The following SLC67A2 variants were observed in gnomAD, a reference collection of about 807,000 sequenced individuals.
SLC67A2 encodes solute carrier family 67 member 2.
chr2:102,735,404 T>G, the SLC67A2 span, among the ~76,000 whole-genome samples: 5 of 152,304 alleles, frequency 3.3e-5, no homozygotes, highest in East Asian at 9.7e-4. Flanking sequence ...GGTGGTGGCA[T>G]GGAGAGTGCA....
At chr2:102,730,579 G>A in the SLC67A2 span, among the ~76,000 whole-genome samples, 50 of 147,374 alleles carry the variant, frequency 3.4e-4, 1 homozygote, top group African/African-American at 1.3e-3. Context: ...GTCTCGCTCT[G>A]TCGTCCAGGC....
the SLC67A2 span, among the ~76,000 whole-genome samples, chr2:102,729,067 A>G: frequency 4.6e-5 from 7 of 152,228 alleles, no homozygotes; most frequent in African/African-American, 1.4e-4. Flanking sequence ...CTCAAAATTA[A>G]AAGTTTTTTG....
the SLC67A2 span, among the ~76,000 whole-genome samples, chr2:102,733,641 A>C: frequency 2.0e-5 from 3 of 152,148 alleles, no homozygotes; most frequent in African/African-American, 7.2e-5. Context: ...GTTGCATCTC[A>C]TCAGCCCACT....
the SLC67A2 span, chr2:102,736,868 A>C: frequency 1.1e-5 from 16 of 1,506,262 alleles, no homozygotes; most frequent in South Asian, 5.3e-5. Context: ...CCGGGAGCCC[A>C]GCCCCGCCCC....
chr2:102,728,215 G>A, the SLC67A2 span, among the ~76,000 whole-genome samples: 2 of 152,136 alleles, frequency 1.3e-5, no homozygotes, highest in Non-Finnish European at 2.9e-5. Context: ...TTAAGAAACA[G>A]GGTCCCCCAT....
At chr2:102,718,936 G>A in the SLC67A2 span, 1 of 1,614,270 alleles carries the variant, frequency 6.2e-7, no homozygotes, top group Non-Finnish European at 8.5e-7. Flanking sequence ...CAAAGTTACT[G>A]TAGTACAGCA....
the SLC67A2 span, among the ~76,000 whole-genome samples, chr2:102,719,796 C>T: frequency 6.6e-6 from 1 of 152,192 alleles, no homozygotes; most frequent in South Asian, 2.1e-4. Context: ...ACATATGTGA[C>T]AGCCTGCCTT....
At chr2:102,733,717 A>C in the SLC67A2 span, among the ~76,000 whole-genome samples, 2 of 152,080 alleles carry the variant, frequency 1.3e-5, no homozygotes, top group African/African-American at 4.8e-5. Context: ...GATCTTTCAG[A>C]AAAGGAAACT....
the SLC67A2 span, chr2:102,718,658 G>A: frequency 1.9e-5 from 30 of 1,613,808 alleles, no homozygotes; most frequent in African/African-American, 2.4e-4. Context: ...CTGGAGGTCC[G>A]TGATGCACGT....
the SLC67A2 span, chr2:102,736,439 A>G: frequency 2.2e-6 from 3 of 1,373,872 alleles, no homozygotes; most frequent in Non-Finnish European, 2.9e-6. Flanking sequence ...TGCAAGAGAA[A>G]GCGCGAGGGG....
chr2:102,718,610 A>G, the SLC67A2 span: 4 of 1,613,374 alleles, frequency 2.5e-6, no homozygotes, highest in African/African-American at 2.7e-5. Context: ...CCCCACGCCA[A>G]TAAGGGTGCC....
the SLC67A2 span, among the ~76,000 whole-genome samples, chr2:102,731,666 G>C: frequency 6.6e-6 from 1 of 152,104 alleles, no homozygotes; most frequent in African/African-American, 2.4e-5. Context: ...TCACGGCATG[G>C]ACCATGATTT....
chr2:102,736,706 G>A, the SLC67A2 span: 8 of 1,613,508 alleles, frequency 5.0e-6, no homozygotes, highest in Admixed American at 1.7e-5. Context: ...CACCGGAGTC[G>A]GCAGCCTCCG....
the SLC67A2 span, chr2:102,723,781 C>T: frequency 1.2e-6 from 2 of 1,614,182 alleles, no homozygotes; most frequent in East Asian, 2.2e-5. Flanking sequence ...TAGCCACCGA[C>T]CACGGGGCCC....
At chr2:102,727,532 C>T in the SLC67A2 span, among the ~76,000 whole-genome samples, 1 of 152,208 alleles carries the variant, frequency 6.6e-6, no homozygotes, top group East Asian at 1.9e-4. Context: ...TTCCTTATTC[C>T]ACTACATACC....
the SLC67A2 span, chr2:102,718,841 G>T: frequency 3.1e-6 from 5 of 1,613,956 alleles, no homozygotes; most frequent in East Asian, 1.1e-4. Context: ...GGCAAGGCCG[G>T]CCACGGCCCC....
At chr2:102,720,171 A>G in the SLC67A2 span, among the ~76,000 whole-genome samples, 2 of 152,180 alleles carry the variant, frequency 1.3e-5, no homozygotes, top group Non-Finnish European at 2.9e-5. Context: ...ACCAGTGGCT[A>G]TTCAGTGCTG....
At chr2:102,718,704 A>G in the SLC67A2 span, 1 of 1,613,932 alleles carries the variant, frequency 6.2e-7, no homozygotes, top group Non-Finnish European at 8.5e-7. Context: ...AGGAGAGTGG[A>G]GGAGAGGACA....
chr2:102,719,007 G>A, the SLC67A2 span: 3 of 1,614,096 alleles, frequency 1.9e-6, no homozygotes, highest in Non-Finnish European at 2.5e-6. Context: ...GAAAACAGCA[G>A]GTTCTTCATG....
Sources: gnomAD v4.1 joint callset for allele counts (sites outside exome capture counted in the v4.1 genomes callset) on GRCh38, gnomAD v4.1.1 for gene constraint, MANE v1.5 for transcripts, NCBI Gene and HGNC (gene_info 2026-07-23, HGNC 2026-07-21) for gene names.